The following USH2A variants were observed in gnomAD, a reference collection of about 807,000 sequenced individuals.
The protein encoded by USH2A is Usher syndrome 2A (autosomal recessive, mild).
In USH2A, 443 loss-of-function variants were observed where a neutral mutation model predicts 538.9. The observed-to-expected ratio is 0.82, with a 90% confidence interval of 0.76 to 0.89. The LOEUF (loss-of-function observed/expected upper bound fraction) is 0.89, where lower values mean the gene tolerates loss of function less well. Among genes scored for constraint, USH2A ranks in the 40% least tolerant of loss-of-function variants. USH2A has a pLI of 0.00. For missense variants in USH2A, 6,633 were observed against 6,324.8 expected, an observed-to-expected ratio of 1.05 and a Z score of -1.65; for synonymous variants, 2,413 against 2,273.5, an observed-to-expected ratio of 1.06 and a Z score of -1.75.
chr1:215,771,135 AAAG>A (rs1305654431), intron 55 of USH2A, among the ~76,000 whole-genome samples: 3 of 151,034 alleles, frequency 2.0e-5, no homozygotes, highest in African/African-American at 7.3e-5. Context: ...CTAAAAAAAA[AAAG>A]AAAGAAAGAA....
At chr1:216,186,278 C>G (rs1300171460) in intron 20 of USH2A, among the ~76,000 whole-genome samples, 1 of 151,382 alleles carries the variant, frequency 6.6e-6, no homozygotes, top group East Asian at 1.9e-4. Flanking sequence ...TGCCGCTGCT[C>G]AATCCTTCAT....
chr1:215,697,693 G>A (rs1658865236), intron 61 of USH2A, among the ~76,000 whole-genome samples: 1 of 151,932 alleles, frequency 6.6e-6, no homozygotes. Flanking sequence ...AGCTAATTTT[G>A]TATTTTTAGT....
chr1:216,230,239 G>C (rs1168688845), intron 14 of USH2A, among the ~76,000 whole-genome samples: 1 of 152,148 alleles, frequency 6.6e-6, no homozygotes, highest in South Asian at 2.1e-4. Flanking sequence ...GGAATCTGTA[G>C]AATATTATTT....
chr1:216,114,543 C>T (rs112516379), intron 21 of USH2A, among the ~76,000 whole-genome samples: 3,764 of 152,006 alleles, frequency 0.025, 170 homozygotes, highest in African/African-American at 0.084. Flanking sequence ...AATTTTATTC[C>T]TCCTCTTAGC....
intron 10 of USH2A, 32 bp downstream of exon 10, chr1:216,292,143 C>T (rs1228452267): frequency 6.2e-7 from 1 of 1,612,606 alleles, no homozygotes; most frequent in Non-Finnish European, 8.5e-7. Flanking sequence ...CACAGGCCTC[C>T]AAACCAACTC....
chr1:216,014,738 C>G (rs187523391), intron 32 of USH2A, among the ~76,000 whole-genome samples: 1 of 152,318 alleles, frequency 6.6e-6, no homozygotes, highest in East Asian at 1.9e-4. Context: ...TATCCTTAGA[C>G]GTGTTACAAG....
At chr1:216,113,241 T>C (rs1032676023) in intron 21 of USH2A, among the ~76,000 whole-genome samples, 1 of 151,716 alleles carries the variant, frequency 6.6e-6, no homozygotes, top group African/African-American at 2.4e-5. Context: ...GAATAGCCCA[T>C]AGATTCCTAC....
intron 47 of USH2A, among the ~76,000 whole-genome samples, chr1:215,835,769 C>T (rs1254328275): frequency 6.6e-6 from 1 of 152,106 alleles, no homozygotes; most frequent in African/African-American, 2.4e-5. Context: ...TCATTATTGT[C>T]TTTTGTCAAC....
intron 48 of USH2A, among the ~76,000 whole-genome samples, chr1:215,815,273 TAAG>T (rs1662826455): frequency 2.0e-5 from 3 of 152,144 alleles, no homozygotes; most frequent in Non-Finnish European, 4.4e-5. Context: ...ATTTGCATTA[TAAG>T]AATAACCAAA....
Position 215,748,046 on chromosome 1 carries a change from C to T in USH2A, c.11390-4711G>A, listed in dbSNP as rs1454844194. On this transcript the variant is annotated intron_variant, in intron 58 of 71. Coordinates refer to ENST00000307340, the MANE Select transcript of USH2A (RefSeq NM_206933.4). ...AGCTGGGACTACAGGCGCCCGCCAC[C>T]GCGCCCGGCTAATTTTTTGTATTTT... Among the ~76,000 whole-genome samples, 4 of 152,040 alleles carry T rather than the reference C, an allele frequency of 2.6e-5. No homozygotes were observed. In the East Asian group the frequency reaches 5.8e-4, roughly 22 times the overall value.
At chr1:215,869,294 C>T (rs1208371643) in intron 43 of USH2A, among the ~76,000 whole-genome samples, 27 of 152,124 alleles carry the variant, frequency 1.8e-4, no homozygotes. Flanking sequence ...TGCTATACTG[C>T]CAACATAATA....
chr1:215,845,760 C>T (rs1006695023), intron 45 of USH2A, 64 bp downstream of exon 45: 15 of 1,552,786 alleles, frequency 9.7e-6, no homozygotes, highest in South Asian at 1.1e-5. Context: ...ATCTCAACCC[C>T]GGCAAGAATC....
intron 14 of USH2A, among the ~76,000 whole-genome samples, chr1:216,218,952 G>C (rs1206105765): frequency 6.6e-6 from 1 of 151,014 alleles, no homozygotes; most frequent in East Asian, 2.0e-4. Context: ...TATAATATTA[G>C]TGAGCATAAA....
rs368240096 is a variant in USH2A at position 215,813,829 on chromosome 1, G to C, written c.9646C>G (p.Leu3216Val). The change falls in exon 49 of 72, where the codon CTG becomes GTG. Residue 3216 changes from leucine to valine, a missense_variant. Physicochemically the swap from Leu to Val is conservative, Grantham distance 32 (BLOSUM62 1). Coordinates refer to ENST00000307340, the MANE Select transcript of USH2A (RefSeq NM_206933.4). ...CCACAACAAACTCCAGTAGAATTCA[G>C]AACAAACGGGATATACTTTTCTTCA... ...CCEEKYIPFV[L>V]NSTGVCCGGR... The C allele has an allele frequency of 6.2e-7, 1 of 1,613,800 alleles. No homozygotes were observed. The highest frequency in any genetic ancestry group is 8.5e-7 in the Non-Finnish European group (1 of 1,179,884).
chr1:215,945,492 C>T (rs988422540), intron 37 of USH2A, among the ~76,000 whole-genome samples: 8 of 151,964 alleles, frequency 5.3e-5, no homozygotes, highest in African/African-American at 9.7e-5. Flanking sequence ...TGGTTTGTAG[C>T]CACCAGTTGT....
At chr1:215,649,202 C>T (rs1006228025) in intron 65 of USH2A, among the ~76,000 whole-genome samples, 1 of 152,132 alleles carries the variant, frequency 6.6e-6, no homozygotes, top group African/African-American at 2.4e-5. Flanking sequence ...TACTTGCATG[C>T]AATTTCTCAG....
chr1:215,948,434 A>ATATG (rs1666811424), intron 37 of USH2A, among the ~76,000 whole-genome samples: 1 of 146,150 alleles, frequency 6.8e-6, no homozygotes, highest in Non-Finnish European at 1.5e-5. Flanking sequence ...AGATATATAT[A>ATATG]TATATATATA....
intron 71 of USH2A, among the ~76,000 whole-genome samples, chr1:215,627,590 ATC>A (rs1374101883): frequency 6.7e-6 from 1 of 148,328 alleles, no homozygotes; most frequent in East Asian, 2.0e-4. Context: ...CAGTGGGGCC[ATC>A]TCAGCTCACT....
At chr1:215,678,404 T>C (rs1658103460) in intron 62 of USH2A, among the ~76,000 whole-genome samples, 1 of 152,174 alleles carries the variant, frequency 6.6e-6, no homozygotes, top group South Asian at 2.1e-4. Context: ...TTCTCTTTCC[T>C]TGAATACACC....
Sources: allele counts gnomAD v4.1 joint callset (sites outside exome capture counted in the v4.1 genomes callset), GRCh38; gene constraint gnomAD v4.1.1; transcripts MANE v1.5; gene names NCBI Gene and HGNC (gene_info 2026-07-23, HGNC 2026-07-21).